Variants in CLYBL observed in about 807,000 individuals in gnomAD.
CLYBL encodes citramalyl-CoA lyase, mitochondrial.
Under a neutral mutation model 38.9 loss-of-function variants are expected in CLYBL, and 31 were observed. The observed-to-expected ratio is 0.80, with a 90% CI of 0.60 to 1.08. CLYBL has a LOEUF of 1.08. Ranked by LOEUF, CLYBL falls within the 50% of genes least tolerant of loss-of-function variation. CLYBL has a pLI of 0.00. For synonymous variants in CLYBL, 171 were observed against 158.6 expected, an observed-to-expected ratio of 1.08 and a Z score of -0.59; for missense variants, 434 against 411.6, an observed-to-expected ratio of 1.05 and a Z score of -0.47.
In CLYBL at chr13:99,781,337, A is replaced by AT. The variant is rs1406231675; in HGVS notation, c.249+8333dup. On this transcript the variant is annotated intron_variant, in intron 2 of 8. Transcript: ENST00000339105. The stretch of plus-strand genomic sequence containing the variant: ...AGGCGCCCACCACCATGCCCAGCTA[A>AT]TTTTTTCTATTTTTAGTAGAGATGG... 3.3e-5 allele frequency among the ~76,000 whole-genome samples: 5 copies of AT among 150,992 alleles called. No individual in the cohort carries two copies. The Middle Eastern group carries it at 0.014, about 411-fold the overall frequency.
chr13:99,775,048 A>G (rs2049482950), intron 2 of CLYBL, among the ~76,000 whole-genome samples: 1 of 152,228 alleles, frequency 6.6e-6, no homozygotes. Context: ...TTGATAAAGT[A>G]CCTGGGAGTA....
intron 1 of CLYBL, among the ~76,000 whole-genome samples, chr13:99,725,184 G>A (rs901642990): frequency 8.5e-5 from 13 of 152,154 alleles, no homozygotes; most frequent in African/African-American, 2.9e-4. Flanking sequence ...CTGGGATATC[G>A]GTTTAGGAAA....
chr13:99,842,489 C>T (rs191624299), intron 2 of CLYBL, among the ~76,000 whole-genome samples: 76 of 152,256 alleles, frequency 5.0e-4, no homozygotes, highest in Middle Eastern at 3.4e-3. Context: ...CTCTAGGACT[C>T]TCTCCTGGTG....
In CLYBL at chr13:99,864,816, A is replaced by G. The variant is rs748048221; in HGVS notation, c.541-2A>G. 1 of 1,609,686 alleles carries G rather than the reference A, an allele frequency of 6.2e-7. No homozygotes were observed. Among genetic ancestry groups the G allele is most frequent in the Non-Finnish European group, 8.5e-7 (1 of 1,176,178 alleles). ...ACTTAGTTCTGTTCTGCTCTTTTAC[A>G]GGCAGTGTGTGAAGAAACCCTGAAG... On this transcript the variant is annotated splice_acceptor_variant, in intron 4 of 8. Transcript: ENST00000339105. LOFTEE classifies it high-confidence loss of function.
chr13:99,667,782 C>T (rs541910742), intron 1 of CLYBL, among the ~76,000 whole-genome samples: 1 of 152,340 alleles, frequency 6.6e-6, no homozygotes, highest in East Asian at 1.9e-4. Context: ...ATTTCACATT[C>T]ACCTGATTCC....
At chr13:99,863,176 T>C in intron 4 of CLYBL, 84 bp downstream of exon 4, 1 of 647,116 alleles carries the variant, frequency 1.5e-6, no homozygotes, top group Non-Finnish European at 2.6e-6. Flanking sequence ...TAACATCTTC[T>C]TAAAATGTGT....
At chr13:99,707,358 C>T (rs990498463) in intron 1 of CLYBL, among the ~76,000 whole-genome samples, 1 of 152,074 alleles carries the variant, frequency 6.6e-6, no homozygotes, top group African/African-American at 2.4e-5. Context: ...CAACCTCCGC[C>T]TCCCGGGTTC....
At chr13:99,746,344 C>G (rs1421244894) in intron 1 of CLYBL, among the ~76,000 whole-genome samples, 1 of 132,984 alleles carries the variant, frequency 7.5e-6, no homozygotes, top group Non-Finnish European at 1.6e-5. Context: ...GTCATTTCAG[C>G]TTTAAATACT....
intron 6 of CLYBL, among the ~76,000 whole-genome samples, chr13:99,868,319 G>GTACTT (rs1467661489): frequency 6.6e-6 from 1 of 152,080 alleles, no homozygotes; most frequent in East Asian, 1.9e-4. Context: ...TTTTTAATGA[G>GTACTT]TACTTTAGAC....
Position 99,870,337 on chromosome 13 carries a change from A to G in CLYBL, c.803-601A>G, listed in dbSNP as rs1245437215. 2.0e-5 allele frequency among the ~76,000 whole-genome samples: 3 copies of G among 152,128 alleles called. No homozygotes were observed. In the East Asian group the frequency reaches 5.8e-4, roughly 29 times the overall value. Reference sequence around the variant, plus strand: ...TATTTTCATTCAAATCCAATTTTCTATTGGGGGTTAGAATTGACACATAAA... The same window carrying G: ...TATTTTCATTCAAATCCAATTTTCTGTTGGGGGTTAGAATTGACACATAAA... On this transcript the variant is annotated intron_variant, in intron 6 of 8. Transcript: ENST00000339105.
chr13:99,621,770 C>G lies in CLYBL; in HGVS notation c.62+15013C>G, dbSNP rs1414226976. On this transcript the variant is annotated intron_variant, in intron 1 of 8. Coordinates refer to ENST00000339105, the MANE Select transcript of CLYBL (RefSeq NM_206808.5). Reference sequence around the variant, plus strand: ...TTTTTTGGCGATTTTTTTTTTTTTCCCTTTAGCTTATCAGCTGTTGTTAGT... The same window carrying G: ...TTTTTTGGCGATTTTTTTTTTTTTCGCTTTAGCTTATCAGCTGTTGTTAGT... Among the ~76,000 whole-genome samples the G allele has an allele frequency of 2.3e-5, 3 of 133,044 alleles. No individual in the cohort carries two copies. In the East Asian group the frequency reaches 7.1e-4, roughly 32 times the overall value. 87.3% of individuals were successfully genotyped at this position (133,044 alleles called of 152,430 possible).
chr13:99,899,195 A>C (rs1018472470), downstream of CLYBL, among the ~76,000 whole-genome samples: 12 of 152,168 alleles, frequency 7.9e-5, no homozygotes, highest in Non-Finnish European at 1.5e-5. Flanking sequence ...CGGGCTGGGG[A>C]GATGCAGTCA....
rs186074610 is a variant in CLYBL, at chr13:99,702,357, G to A, written c.63-70467G>A. On this transcript the variant is annotated intron_variant, in intron 1 of 8. Transcript: ENST00000339105. ...TTAAAAAATTGGCTCACAGCCGGGC[G>A]CGGTGGCTCATGCCTGTAATCCCAG... is the stretch of plus-strand genomic sequence containing the variant. Among the ~76,000 whole-genome samples, 495 of 152,188 alleles carry A rather than the reference G, an allele frequency of 3.3e-3. 5 individuals carry two copies. The highest frequency in any genetic ancestry group is 0.01 in the African/African-American group (421 of 41,532).
chr13:99,648,418 G>A (rs986302613), intron 1 of CLYBL, among the ~76,000 whole-genome samples: 13 of 152,318 alleles, frequency 8.5e-5, no homozygotes, highest in African/African-American at 2.9e-4. Flanking sequence ...ATGGAATGCC[G>A]AAATAAATAG....
intron 7 of CLYBL, among the ~76,000 whole-genome samples, chr13:99,873,874 T>C (rs2051970103): frequency 6.6e-6 from 1 of 152,140 alleles, no homozygotes; most frequent in African/African-American, 2.4e-5. Flanking sequence ...TACAGAATTT[T>C]GGGGATGTTT....
chr13:99,803,983 G>T (rs1217649611), intron 2 of CLYBL, among the ~76,000 whole-genome samples: 1 of 152,134 alleles, frequency 6.6e-6, no homozygotes, highest in African/African-American at 2.4e-5. Context: ...AAGAAACAGC[G>T]GAAGATGCTG....
intron 1 of CLYBL, among the ~76,000 whole-genome samples, chr13:99,650,614 G>C (rs192567092): frequency 2.3e-4 from 35 of 152,228 alleles, no homozygotes; most frequent in Admixed American, 1.4e-3. Context: ...GCTGCTGGAG[G>C]GTGCTGGAGG....
intron 1 of CLYBL, among the ~76,000 whole-genome samples, chr13:99,712,127 G>T (rs1009095208): frequency 6.6e-6 from 1 of 152,134 alleles, no homozygotes; most frequent in Non-Finnish European, 1.5e-5. Flanking sequence ...ATACTTTGCA[G>T]GGGACAGAAA....
intron 2 of CLYBL, among the ~76,000 whole-genome samples, chr13:99,778,480 ACT>A (rs1205332983): frequency 1.3e-5 from 2 of 151,884 alleles, no homozygotes; most frequent in Non-Finnish European, 2.9e-5. Flanking sequence ...CATTTGATTG[ACT>A]CTCTGTGAAG....
Sources: gnomAD v4.1 joint callset for allele counts (sites outside exome capture counted in the v4.1 genomes callset) on GRCh38, gnomAD v4.1.1 for gene constraint, MANE v1.5 for transcripts, NCBI Gene and HGNC (gene_info 2026-07-23, HGNC 2026-07-21) for gene names.